IPCEF1: variants seen among roughly 807,000 people sequenced by gnomAD.
The protein encoded by IPCEF1 is interaction protein for cytohesin exchange factors 1, also known as interactor protein for cytohesin exchange factors 1.
IPCEF1 carries 31 observed loss-of-function variants against 50.9 expected under a neutral mutation model. The observed-to-expected ratio is 0.61, with a 90% confidence interval of 0.46 to 0.82. The LOEUF (loss-of-function observed/expected upper bound fraction) is 0.82, where lower values mean the gene tolerates loss of function less well. Among genes scored for constraint, IPCEF1 ranks in the 40% least tolerant of loss-of-function variants. The probability of loss-of-function intolerance (pLI) is 0.00; values close to 1 mark genes in which losing one functional copy is unlikely to be tolerated. For missense variants in IPCEF1, 458 were observed against 514.0 expected, an observed-to-expected ratio of 0.89 and a Z score of 1.05; for synonymous variants, 181 against 192.0, an observed-to-expected ratio of 0.94 and a Z score of 0.47.
At chr6:154,260,250 CT>C (rs1781562561) in intron 3 of IPCEF1, among the ~76,000 whole-genome samples, 2 of 152,336 alleles carry the variant, frequency 1.3e-5, no homozygotes, top group African/African-American at 4.8e-5. Flanking sequence ...TTCACATCCA[CT>C]GACCGTTTCC....
chr6:154,309,890 A>G (rs1458039400), intron 1 of IPCEF1, among the ~76,000 whole-genome samples: 1 of 151,802 alleles, frequency 6.6e-6, no homozygotes, highest in African/African-American at 2.4e-5. Context: ...CAGCCTCCCA[A>G]GTAGCTGGGA....
intron 1 of IPCEF1, among the ~76,000 whole-genome samples, chr6:154,290,060 G>A (rs1782474473): frequency 6.6e-6 from 1 of 152,172 alleles, no homozygotes; most frequent in African/African-American, 2.4e-5. Flanking sequence ...GTGGCAGCTG[G>A]TGCCAGGGAC....
chr6:154,346,338 TA>T (rs200393505), intron 1 of IPCEF1, among the ~76,000 whole-genome samples: 1,963 of 152,342 alleles, frequency 0.013, 24 homozygotes, highest in South Asian at 0.04. Context: ...ATAATTATTT[TA>T]AAAAATTTAA....
chr6:154,241,545 A>G (rs1319372258), intron 5 of IPCEF1, among the ~76,000 whole-genome samples: 1 of 152,130 alleles, frequency 6.6e-6, no homozygotes, highest in East Asian at 1.9e-4. Context: ...AAAACTTGGA[A>G]TCATGCTTAT....
At chr6:154,273,724 CTTTTTTTTT>C (rs71021036) in intron 2 of IPCEF1, among the ~76,000 whole-genome samples, 16 of 63,314 alleles carry the variant, frequency 2.5e-4, no homozygotes, top group South Asian at 1.2e-3. Context: ...TTCTTTCTTT[CTTTTTTTTT>C]TTTTTTTTTT....
intron 1 of IPCEF1, among the ~76,000 whole-genome samples, chr6:154,310,084 T>TAGAAG (rs1170773552): frequency 4.6e-5 from 7 of 152,238 alleles, no homozygotes; most frequent in African/African-American, 1.4e-4. Context: ...ATTTTTAAAC[T>TAGAAG]TTCCCTTTAG....
At chr6:154,226,089 T>TGC in intron 5 of IPCEF1, among the ~76,000 whole-genome samples, 1 of 152,242 alleles carries the variant, frequency 6.6e-6, no homozygotes, top group East Asian at 1.9e-4. Context: ...TTCTCCTGTC[T>TGC]GTTTCTTAAA....
intron 1 of IPCEF1, among the ~76,000 whole-genome samples, chr6:154,296,189 T>A (rs1456098764): frequency 6.6e-6 from 1 of 152,114 alleles, no homozygotes; most frequent in East Asian, 1.9e-4. Context: ...GGAGCCCTTT[T>A]GGGCAAGCAG....
At chr6:154,190,682 T>C (rs1205295030) in intron 10 of IPCEF1, among the ~76,000 whole-genome samples, 1 of 152,182 alleles carries the variant, frequency 6.6e-6, no homozygotes, top group Non-Finnish European at 1.5e-5. Context: ...AGTTGAAAAC[T>C]TGCATCCATG....
intron 3 of IPCEF1, among the ~76,000 whole-genome samples, chr6:154,253,760 C>T (rs1287293930): frequency 1.3e-5 from 2 of 152,124 alleles, no homozygotes. Context: ...ATTTAGCTTT[C>T]TACAACCAGG....
intron 10 of IPCEF1, among the ~76,000 whole-genome samples, chr6:154,184,779 A>C (rs1583735899): frequency 6.7e-6 from 1 of 150,342 alleles, no homozygotes; most frequent in Non-Finnish European, 1.5e-5. Context: ...GTATCTTTCC[A>C]GATTGAGATT....
chr6:154,347,171 T>G (rs1388723273), intron 1 of IPCEF1, among the ~76,000 whole-genome samples: 1 of 152,158 alleles, frequency 6.6e-6, no homozygotes, highest in African/African-American at 2.4e-5. Context: ...AATGGAAAGG[T>G]GGACAAGCAC....
At chr6:154,170,655 A>G (rs1041889837) in intron 10 of IPCEF1, among the ~76,000 whole-genome samples, 5 of 152,254 alleles carry the variant, frequency 3.3e-5, no homozygotes, top group South Asian at 2.1e-4. Flanking sequence ...GTGTGCAGAC[A>G]TCAAAAGTGG....
chr6:154,214,299 A>G, intron 7 of IPCEF1, 23 bp from the exon 8 acceptor site: 1 of 1,567,428 alleles, frequency 6.4e-7, no homozygotes, highest in Non-Finnish European at 8.8e-7. Context: ...TAGAAAGCAA[A>G]TGTTGACCAA....
chr6:154,173,279 C>G (rs963782878), intron 10 of IPCEF1, among the ~76,000 whole-genome samples: 11 of 152,174 alleles, frequency 7.2e-5, no homozygotes, highest in Admixed American at 7.2e-4. Flanking sequence ...AGGAACACAA[C>G]TCCTCACCAG....
intron 2 of IPCEF1, among the ~76,000 whole-genome samples, chr6:154,284,327 G>A (rs577088036): frequency 6.6e-6 from 1 of 152,326 alleles, no homozygotes; most frequent in East Asian, 1.9e-4. Flanking sequence ...AAGGAAGGGT[G>A]TTGTATAGAG....
intron 1 of IPCEF1, among the ~76,000 whole-genome samples, chr6:154,309,422 G>A (rs1265541151): frequency 1.3e-5 from 2 of 152,180 alleles, no homozygotes; most frequent in Non-Finnish European, 2.9e-5. Context: ...GAAGAAACCA[G>A]CAGTTATTCT....
intron 9 of IPCEF1, among the ~76,000 whole-genome samples, chr6:154,203,231 A>C (rs1195940274): frequency 6.6e-6 from 1 of 152,114 alleles, no homozygotes; most frequent in African/African-American, 2.4e-5. Context: ...CCCCACCTCT[A>C]CTGGTAAATA....
chr6:154,261,323 G>A (rs1187622682), intron 3 of IPCEF1, among the ~76,000 whole-genome samples: 2 of 152,128 alleles, frequency 1.3e-5, no homozygotes, highest in East Asian at 1.9e-4. Context: ...CACTTCTCCC[G>A]GCCTTAAAGT....
Sources: gnomAD v4.1 joint callset for allele counts (sites outside exome capture counted in the v4.1 genomes callset) on GRCh38, gnomAD v4.1.1 for gene constraint, MANE v1.5 for transcripts, NCBI Gene and HGNC (gene_info 2026-07-23, HGNC 2026-07-21) for gene names.